Variants in OXTR observed in about 807,000 individuals in gnomAD.
OXTR encodes oxytocin receptor.
A neutral mutation model predicts 23.9 loss-of-function variants in OXTR; 19 were observed. The observed-to-expected ratio is 0.80, with a 90% confidence interval of 0.56 to 1.17. The LOEUF (loss-of-function observed/expected upper bound fraction) is 1.17. Among genes scored for constraint, OXTR ranks in the 50% most tolerant of loss-of-function variants. The pLI is 0.00. For missense variants in OXTR, 500 were observed against 550.7 expected, an observed-to-expected ratio of 0.91 and a Z score of 0.92; for synonymous variants, 278 against 250.5, an observed-to-expected ratio of 1.11 and a Z score of -1.04.
Position 8,767,828 on chromosome 3 carries a change from C to A in OXTR, c.360G>T (p.Val120=), listed in dbSNP as rs150938124. The change falls in exon 3 of 4, where the codon GTG becomes GTT. Residue 120 remains valine, a synonymous_variant. Coordinates refer to ENST00000316793, the MANE Select transcript of OXTR (RefSeq NM_000916.4). The part of the protein sequence containing the change: ...LLCRLVKYLQ[V]VGMFASTYLL... ...GGTAGGTGGAGGCGAACATGCCCACCACCTGCAAGTACTTGACCAGGCGGC... is the reference window on the plus strand; with the variant it reads ...GGTAGGTGGAGGCGAACATGCCCACAACCTGCAAGTACTTGACCAGGCGGC... 27 of 1,611,792 alleles carry A rather than the reference C, an allele frequency of 1.7e-5. No homozygotes were observed. The African/African-American group carries it at 2.9e-4, about 18-fold the overall frequency.
intron 3 of OXTR, among the ~76,000 whole-genome samples, chr3:8,759,376 T>C (rs554604432): frequency 6.6e-6 from 1 of 152,326 alleles, no homozygotes; most frequent in African/African-American, 2.4e-5. Flanking sequence ...CATCATATTG[T>C]CATTATTTTC....
At chr3:8,767,219 C>T (rs1708625955) in intron 3 of OXTR, 47 bp downstream of exon 3, 1 of 1,501,708 alleles carries the variant, frequency 6.7e-7, no homozygotes, top group Non-Finnish European at 8.9e-7. Flanking sequence ...TAAGGGCCTC[C>T]CCCAGCCACC....
chr3:8,748,976 C>A (rs1283166124), downstream of OXTR, among the ~76,000 whole-genome samples: 1 of 152,180 alleles, frequency 6.6e-6, no homozygotes, highest in Non-Finnish European at 1.5e-5. Context: ...AGAAGACAAT[C>A]TGCAGCTCCC....
At chr3:8,761,390 G>C (rs1280466676) in intron 3 of OXTR, among the ~76,000 whole-genome samples, 2 of 152,200 alleles carry the variant, frequency 1.3e-5, no homozygotes. Context: ...GGGCCAGATA[G>C]TGGGGGAGGG....
Position 8,767,446 on chromosome 3 carries a change from C to T in OXTR, c.742G>A (p.Ala248Thr). The T allele has an allele frequency of 6.2e-7, 1 of 1,603,824 alleles. No homozygotes were observed. Among genetic ancestry groups the T allele is most frequent in the Non-Finnish European group, 8.5e-7 (1 of 1,175,498 alleles). ...AAAAEAPEGA[A>T]AGDGGRVALA... The stretch of plus-strand genomic sequence containing the variant: ...GCCACGCGCCCCCCATCGCCAGCCG[C>T]CGCGCCCTCTGGCGCCTCGGCCGCC... Residue 248 changes from alanine (A) to threonine (T), a missense_variant, in exon 3 of 4, where the codon GCG (alanine) becomes ACG (threonine). By Grantham distance (58) the Ala-to-Thr change is moderately conservative. Coordinates refer to ENST00000316793, the MANE Select transcript of OXTR (RefSeq NM_000916.4).
At position 8,769,541 on chromosome 3, in the gene OXTR, G is replaced by A. The variant is rs554743599; in HGVS notation, c.-549C>T. The A allele has an allele frequency of 1.3e-5, 2 of 152,410 alleles. No homozygotes were observed. The highest frequency in any genetic ancestry group is 6.5e-5 in the Admixed American group (1 of 15,314). 9.4% of individuals were successfully genotyped at this position (152,410 alleles called of 1,614,324 possible). Reference sequence around the variant, plus strand: ...CACTATCGCACGGGTCCGCTAGGGGGCGGGCGAGGCCAGCCGCGCAGACCC... The same window carrying A: ...CACTATCGCACGGGTCCGCTAGGGGACGGGCGAGGCCAGCCGCGCAGACCC... On this transcript the variant is annotated 5_prime_UTR_variant, in exon 1 of 4. Transcript: ENST00000316793.
rs755736678 is a variant in OXTR, at chr3:8,750,755, G to A, written c.*2222C>T. On this transcript the variant is annotated 3_prime_UTR_variant, in exon 4 of 4. Transcript: ENST00000316793. ...CTAATAATGTTCCATTGCGTGGACAGACCACATTTTATTTCCCATTCATCA... is the reference window on the plus strand; with the variant it reads ...CTAATAATGTTCCATTGCGTGGACAAACCACATTTTATTTCCCATTCATCA... The A allele has an allele frequency of 6.6e-6, 1 of 152,186 alleles. No homozygotes were observed. Among genetic ancestry groups the A allele is most frequent in the Non-Finnish European group, 1.5e-5 (1 of 68,036 alleles). The allele number at this position is 152,186 out of a possible 1,614,324, so 9.4% of individuals were successfully genotyped here.
At position 8,767,852 on chromosome 3, in the gene OXTR, G is replaced by C; in HGVS notation, c.336C>G (p.Cys112Trp). The change falls in exon 3 of 4, where the codon TGC becomes TGG. Residue 112 changes from cysteine (C) to tryptophan (W), a missense_variant. Cys to Trp is a radical substitution (Grantham distance 215). Transcript: ENST00000316793. Reference sequence around the variant, plus strand: ...CCACCTGCAAGTACTTGACCAGGCGGCACAGCAGGTCGGGCCCGTAGAAGC... The same window carrying C: ...CCACCTGCAAGTACTTGACCAGGCGCCACAGCAGGTCGGGCCCGTAGAAGC... ...TFRFYGPDLL[C>W]RLVKYLQVVG... 1 of 1,612,924 alleles carries C rather than the reference G, an allele frequency of 6.2e-7. No individual in the cohort carries two copies. Among genetic ancestry groups the C allele is most frequent in the Non-Finnish European group, 8.5e-7 (1 of 1,179,478 alleles).
Position 8,767,664 on chromosome 3 carries a change from A to T in OXTR, c.524T>A (p.Phe175Tyr). The change falls in exon 3 of 4, where the codon TTC becomes TAC. Residue 175 changes from phenylalanine (F) to tyrosine (Y), a missense_variant. Transcript: ENST00000316793. Reference protein sequence around the residue: ...LVASAPQVHIFSLREVADGVF... With the variant: ...LVASAPQVHIYSLREVADGVF... The stretch of plus-strand genomic sequence containing the variant: ...GCCGTCAGCCACCTCGCGCAGAGAG[A>T]AGATGTGCACCTGCGGCGCGCTGGC... 1 of 1,612,480 alleles carries T rather than the reference A, an allele frequency of 6.2e-7. No homozygotes were observed. Among genetic ancestry groups the T allele is most frequent in the African/African-American group, 1.3e-5 (1 of 74,992 alleles).
downstream of OXTR, chr3:8,745,742 C>T (rs1708140552): frequency 6.2e-7 from 1 of 1,614,052 alleles, no homozygotes; most frequent in African/African-American, 1.3e-5. The surrounding 1 kb of genome is among the most constrained non-coding windows in gnomAD (Gnocchi z 4.8). Context: ...TAAGAGCTAC[C>T]TGATCGAGAT....
chr3:8,767,145 G>T, intron 3 of OXTR, 121 bp downstream of exon 3: 3 of 957,082 alleles, frequency 3.1e-6, no homozygotes, highest in South Asian at 2.2e-5. Context: ...TGACTCTGTG[G>T]GATTTCAAAC....
chr3:8,767,894 C>G lies in OXTR; in HGVS notation c.294G>C (p.Leu98=). 1.2e-6 allele frequency: 2 copies of G among 1,613,700 alleles called. No individual in the cohort carries two copies. The highest frequency in any genetic ancestry group is 1.7e-6 in the Non-Finnish European group (2 of 1,179,864). The change falls in exon 3 of 4, where the codon CTG becomes CTC. Residue 98 remains leucine (L), a synonymous_variant. Transcript: ENST00000316793. ...VAVFQVLPQL[L]WDITFRFYGP... ...CGTAGAAGCGGAAGGTGATGTCCCA[C>G]AGCAACTGCGGCAGCACCTGAAACA...
In OXTR at chr3:8,751,668, T is replaced by G. The variant is rs1708261961; in HGVS notation, c.*1309A>C. The G allele has an allele frequency of 6.6e-6, 1 of 152,216 alleles. No homozygotes were observed. Among genetic ancestry groups the G allele is most frequent in the Non-Finnish European group, 1.5e-5 (1 of 68,040 alleles). 9.4% of individuals were successfully genotyped at this position (152,216 alleles called of 1,614,324 possible). On this transcript the variant is annotated 3_prime_UTR_variant, in exon 4 of 4. Transcript: ENST00000316793. ...CTCTATTGAATTGTCTTGGGAACCTTGTCAAAAATCAATTGACCGTAAGTA... is the reference window on the plus strand; with the variant it reads ...CTCTATTGAATTGTCTTGGGAACCTGGTCAAAAATCAATTGACCGTAAGTA...
the OXTR span, among the ~76,000 whole-genome samples, chr3:8,741,369 T>A: frequency 2.6e-5 from 4 of 152,294 alleles, 1 homozygote; most frequent in African/African-American, 9.6e-5. Context: ...CTTCTATAAT[T>A]ACCTTGTTGG....
At position 8,767,578 on chromosome 3, in the gene OXTR, T is replaced by A. The variant is rs748090771; in HGVS notation, c.610A>T (p.Ile204Phe). 6 of 1,613,522 alleles carry A rather than the reference T, an allele frequency of 3.7e-6. No individual in the cohort carries two copies. In the South Asian group the frequency reaches 6.6e-5, roughly 18 times the overall value. ...PWGPKAYITW[I>F]TLAVYIVPVI... ...GGCACGATGTAGACAGCTAGCGTGA[T>A]CCATGTGATGTAGGCCTTGGGTCCC... Residue 204 changes from isoleucine to phenylalanine, a missense_variant, in exon 3 of 4, where the codon ATC becomes TTC. By Grantham distance (21) the Ile-to-Phe change is conservative. Coordinates refer to ENST00000316793, the MANE Select transcript of OXTR (RefSeq NM_000916.4).
Position 8,750,627 on chromosome 3 carries a change from T to C in OXTR, c.*2350A>G, listed in dbSNP as rs199633129. 1.3e-5 allele frequency: 2 copies of C among 152,200 alleles called. No individual in the cohort carries two copies. Among genetic ancestry groups the C allele is most frequent in the African/African-American group, 4.8e-5 (2 of 41,448 alleles). 9.4% of individuals were successfully genotyped at this position (152,200 alleles called of 1,614,324 possible). ...TTTTAGACATTGCATTTCAATGCAGTCAGACAATATGTGGGCTTTTGCACC... is the reference window on the plus strand; with the variant it reads ...TTTTAGACATTGCATTTCAATGCAGCCAGACAATATGTGGGCTTTTGCACC... On this transcript the variant is annotated 3_prime_UTR_variant, in exon 4 of 4. Transcript: ENST00000316793.
At chr3:8,745,518 C>T (rs1473004678), downstream of OXTR, 1 of 1,612,266 alleles carries the variant, frequency 6.2e-7, no homozygotes, top group Non-Finnish European at 8.5e-7. The surrounding 1 kb of genome is among the most constrained non-coding windows in gnomAD (Gnocchi z 4.8). Context: ...CCCTTGCCAC[C>T]CCTGCAGGTG....
the OXTR span, among the ~76,000 whole-genome samples, chr3:8,744,271 T>A: frequency 6.9e-6 from 1 of 144,350 alleles, no homozygotes; most frequent in African/African-American, 2.7e-5. Context: ...AATTGACCAG[T>A]GGAATTTTTT....
At chr3:8,748,596 A>G (rs754321132), downstream of OXTR, among the ~76,000 whole-genome samples, 1 of 152,240 alleles carries the variant, frequency 6.6e-6, no homozygotes, top group Non-Finnish European at 1.5e-5. Context: ...ACAAATGTTT[A>G]TCTAGTGCAC....
Sources: gnomAD v4.1 joint callset for allele counts (sites outside exome capture counted in the v4.1 genomes callset) on GRCh38, gnomAD v4.1.1 for gene constraint, Gnocchi (gnomAD v3.1) non-coding constraint, MANE v1.5 for transcripts, NCBI Gene and HGNC (gene_info 2026-07-23, HGNC 2026-07-21) for gene names.